The following TTLL8 variants were observed in gnomAD, a reference collection of about 807,000 sequenced individuals.
TTLL8 encodes tubulin tyrosine ligase like 8.
A neutral mutation model predicts 77.8 loss-of-function variants in TTLL8; 65 were observed. The observed-to-expected ratio is 0.84, with a 90% confidence interval of 0.68 to 1.03. TTLL8 has a LOEUF of 1.03. TTLL8 is among the 50% of genes least tolerant of loss of function. The pLI is 0.00. For synonymous variants in TTLL8, 402 were observed against 422.8 expected (o/e 0.95, Z 0.60); for missense variants, 910 against 1,004.5 (o/e 0.91, Z 1.27).
In TTLL8 at chr22:50,022,883, T is replaced by C. The variant is rs118145332; in HGVS notation, c.2204-6321A>G. Among the ~76,000 whole-genome samples the C allele has an allele frequency of 4.9e-3, 744 of 152,362 alleles. 18 individuals are homozygous for C. In the East Asian group the frequency reaches 0.064, roughly 13 times the overall value. On this transcript the variant is annotated intron_variant, in intron 12 of 13. Transcript: ENST00000266182. Reference sequence around the variant, plus strand: ...ATCAAGAGGTGAATTTACCAACAAGTTGGGACACAGTGTCCATGTACAAAA... The same window carrying C: ...ATCAAGAGGTGAATTTACCAACAAGCTGGGACACAGTGTCCATGTACAAAA...
chr22:50,026,006 C>T (rs1022129895), intron 12 of TTLL8, among the ~76,000 whole-genome samples: 20 of 152,156 alleles, frequency 1.3e-4, no homozygotes, highest in Non-Finnish European at 2.2e-4. Flanking sequence ...TCCTTCATGA[C>T]GTAGTGGTGC....
rs956906328 is a variant in TTLL8, at chr22:50,054,217, A to G, written c.51+359T>C. On this transcript the variant is annotated intron_variant, in intron 1 of 13. Transcript: ENST00000266182. ...TCTGAGCAGTGGAAATCGACACACC[A>G]TCAAGACAAAGAAAGCCGCCTTTCC... Among the ~76,000 whole-genome samples the G allele has an allele frequency of 2.0e-5, 3 of 152,118 alleles. No homozygotes were observed. The East Asian group carries it at 5.8e-4, about 29-fold the overall frequency.
At chr22:50,025,012 A>C (rs559336501) in intron 12 of TTLL8, among the ~76,000 whole-genome samples, 1 of 152,306 alleles carries the variant, frequency 6.6e-6, no homozygotes, top group South Asian at 2.1e-4. Flanking sequence ...CACAAGAGTG[A>C]GCCCATTTGT....
intron 6 of TTLL8, among the ~76,000 whole-genome samples, chr22:50,042,590 A>G (rs905181981): frequency 5.9e-5 from 9 of 152,220 alleles, no homozygotes; most frequent in African/African-American, 2.2e-4. Flanking sequence ...TGGACTAGCA[A>G]TTCTGTATCT....
At chr22:50,050,513 G>T (rs866963528) in intron 1 of TTLL8, among the ~76,000 whole-genome samples, 1 of 152,008 alleles carries the variant, frequency 6.6e-6, no homozygotes, top group Middle Eastern at 3.4e-3. Flanking sequence ...TGGGATTACA[G>T]GTGCCTGCCA....
chr22:50,054,696 G>T, upstream of TTLL8: 1 of 177,740 alleles, frequency 5.6e-6, no homozygotes. Flanking sequence ...CACACAGCGG[G>T]CGGCGCTGGC....
upstream of TTLL8, among the ~76,000 whole-genome samples, chr22:50,056,392 C>T (rs1006969749): frequency 1.5e-5 from 2 of 137,486 alleles, no homozygotes; most frequent in Non-Finnish European, 3.1e-5. The surrounding 1 kb of genome is among the most constrained non-coding windows in gnomAD (Gnocchi z 4.1). Flanking sequence ...ACACCCACTG[C>T]GGGTGGGGAC....
chr22:50,057,517 G>T (rs1213165922), upstream of TTLL8, among the ~76,000 whole-genome samples: 46 of 107,626 alleles, frequency 4.3e-4, no homozygotes, highest in East Asian at 1.3e-3. Flanking sequence ...TCTGGGTTGG[G>T]GGGTCAGGTC....
At chr22:50,028,289 A>G (rs1226077729) in intron 12 of TTLL8, among the ~76,000 whole-genome samples, 2 of 152,208 alleles carry the variant, frequency 1.3e-5, no homozygotes, top group African/African-American at 4.8e-5. Flanking sequence ...GACCTGGTAA[A>G]GGGGAACATA....
intron 5 of TTLL8, 163 bp downstream of exon 7, chr22:50,045,693 G>C: frequency 2.2e-6 from 2 of 929,052 alleles, no homozygotes; most frequent in Non-Finnish European, 2.6e-6. Context: ...CCTCCCTCCC[G>C]GGGCCCCTGG....
rs780226770 is a variant in TTLL8 at position 50,032,095 on chromosome 22, C to T, written c.1298G>A (p.Cys433Tyr). 3 of 1,361,752 alleles carry T rather than the reference C, an allele frequency of 2.2e-6. No homozygotes were observed. The African/African-American group carries it at 4.4e-5, about 20-fold the overall frequency. 84.4% of individuals were successfully genotyped at this position (1,361,752 alleles called of 1,614,324 possible). The change falls in exon 11 of 14, where the codon TGC becomes TAC. Residue 433 changes from cysteine to tyrosine, a missense_variant. By Grantham distance (194) the Cys-to-Tyr change is radical. This residue lies in a region of TTLL8 where 776 missense variants were observed against 926.1 expected (regional missense o/e 0.84). Coordinates refer to ENST00000266182, the Ensembl canonical transcript of TTLL8. ...CAGGTACTTCTGGACGGCGTTGTTG[C>T]ACAGGTGGATGGCGCTGCAGGGGGG...
intron 12 of TTLL8, among the ~76,000 whole-genome samples, chr22:50,027,903 G>C (rs2061241149): frequency 6.6e-6 from 1 of 152,280 alleles, no homozygotes; most frequent in South Asian, 2.1e-4. Flanking sequence ...GCACGGGTTG[G>C]AGTTGTTTGC....
At chr22:50,046,426 C>A (rs894806818) in intron 4 of TTLL8, among the ~76,000 whole-genome samples, 1 of 152,240 alleles carries the variant, frequency 6.6e-6, no homozygotes, top group Non-Finnish European at 1.5e-5. Context: ...AGAGGCATAT[C>A]GTGAAGTCCC....
chr22:50,030,727 G>C, exon 12 of TTLL8: 1 of 1,315,798 alleles, frequency 7.6e-7, no homozygotes, highest in Non-Finnish European at 1.0e-6. Context: ...CCCAAGTCCC[G>C]CTGGAGAGCT....
At chr22:50,036,428 A>G (rs1079653) in intron 8 of TTLL8, among the ~76,000 whole-genome samples, 73,930 of 151,748 alleles carry the variant, frequency 0.49, 18,713 homozygotes, top group Non-Finnish European at 0.57. Flanking sequence ...GTCCTTGTAC[A>G]CTCGTGTACA....
chr22:50,046,481 G>A (rs888507808), intron 4 of TTLL8, among the ~76,000 whole-genome samples: 1 of 152,218 alleles, frequency 6.6e-6, no homozygotes, highest in Non-Finnish European at 1.5e-5. Flanking sequence ...GAAAAAAGTG[G>A]CTGGCCCCCA....
Position 50,041,834 on chromosome 22 carries a change from G to A in TTLL8, c.644-27C>T. The stretch of plus-strand genomic sequence containing the variant: ...TGAAACCCAGACACAGGCACATGCA[G>A]TGGGAACCTCACCCAGGGGCAGCCC... On this transcript the variant is annotated intron_variant, in intron 6 of 13. Transcript: ENST00000266182. The surrounding 1 kb of genome is among the most constrained non-coding windows in gnomAD (Gnocchi z 4.3). 7.4e-7 allele frequency: 1 copy of A among 1,347,230 alleles called. No individual in the cohort carries two copies. Among genetic ancestry groups the A allele is most frequent in the South Asian group, 1.2e-5 (1 of 85,120 alleles). 83.5% of individuals were successfully genotyped at this position (1,347,230 alleles called of 1,614,324 possible).
rs370159788 is a variant in TTLL8, at chr22:50,028,462, C to A, written c.2203+1968G>T. Among the ~76,000 whole-genome samples, 170 of 152,288 alleles carry A rather than the reference C, an allele frequency of 1.1e-3. 6 individuals are homozygous for A. In the South Asian group the frequency reaches 0.034, roughly 30 times the overall value. On this transcript the variant is annotated intron_variant, in intron 12 of 13. Transcript: ENST00000266182. ...CCTGCGGGCCATAGCCGCGGGATTGCTGCAGGAGGAACTTCGCCTCCCGTG... is the reference window on the plus strand; with the variant it reads ...CCTGCGGGCCATAGCCGCGGGATTGATGCAGGAGGAACTTCGCCTCCCGTG...
In TTLL8 at chr22:50,045,696, G is replaced by A. The variant is rs1166471459; in HGVS notation, c.508+160C>T. On this transcript the variant is annotated intron_variant, in intron 5 of 13. Transcript: ENST00000266182. ...TTGACTGCCCGCCCTCCCTCCCGGG[G>A]CCCCTGGCCTCTGTACTGCCATGAC... 4.2e-6 allele frequency: 4 copies of A among 942,468 alleles called. No individual in the cohort carries two copies. In the African/African-American group the frequency reaches 5.3e-5, roughly 13 times the overall value. 58.4% of individuals were successfully genotyped at this position (942,468 alleles called of 1,614,324 possible).
Sources: gnomAD v4.1 joint callset for allele counts (sites outside exome capture counted in the v4.1 genomes callset) on GRCh38, gnomAD v4.1.1 for gene constraint, gnomAD v4.1.1 regional missense constraint, Gnocchi (gnomAD v3.1) non-coding constraint, MANE v1.5 for transcripts, NCBI Gene and HGNC (gene_info 2026-07-23, HGNC 2026-07-21) for gene names.